PTPRR: variants seen among roughly 807,000 people sequenced by gnomAD.
PTPRR encodes receptor-type tyrosine-protein phosphatase R.
In PTPRR, 38 loss-of-function variants were observed where a neutral mutation model predicts 77.2. The ratio of observed to expected loss-of-function variants is 0.49; its 90% CI spans 0.38 to 0.65. The LOEUF (loss-of-function observed/expected upper bound fraction) is 0.65, where lower values mean the gene tolerates loss of function less well. PTPRR is among the 30% of genes least tolerant of loss of function. The pLI is 0.00. For missense variants in PTPRR, 744 were observed against 799.2 expected, an observed-to-expected ratio of 0.93 and a Z score of 0.83; for synonymous variants, 299 against 283.1, an observed-to-expected ratio of 1.06 and a Z score of -0.57.
intron 6 of PTPRR, among the ~76,000 whole-genome samples, chr12:70,730,607 A>G (rs1254908025): frequency 1.3e-5 from 2 of 152,064 alleles, no homozygotes; most frequent in Non-Finnish European, 2.9e-5. Context: ...CTGAGACAAG[A>G]GGATCACTTG....
At chr12:70,899,274 A>C (rs982605244) in intron 1 of PTPRR, among the ~76,000 whole-genome samples, 18 of 151,586 alleles carry the variant, frequency 1.2e-4, no homozygotes, top group East Asian at 1.9e-4. Context: ...CTAAAAAAAA[A>C]CACTATAGAC....
chr12:70,906,681 A>G (rs1333521016), intron 1 of PTPRR, among the ~76,000 whole-genome samples: 1 of 152,174 alleles, frequency 6.6e-6, no homozygotes, highest in Non-Finnish European at 1.5e-5. Context: ...GTTATGTTCC[A>G]ACAATATATG....
intron 2 of PTPRR, among the ~76,000 whole-genome samples, chr12:70,833,049 C>A (rs144229073): frequency 2.0e-5 from 3 of 152,158 alleles, no homozygotes; most frequent in African/African-American, 7.2e-5. Context: ...GGGCACCAAG[C>A]CATTCATGAG....
chr12:70,761,057 T>C (rs1312261918), intron 4 of PTPRR, among the ~76,000 whole-genome samples: 1 of 152,206 alleles, frequency 6.6e-6, no homozygotes, highest in East Asian at 1.9e-4. Flanking sequence ...GGCGAATATC[T>C]GGTGACCATT....
chr12:70,915,118 G>A (rs191664354), intron 1 of PTPRR, among the ~76,000 whole-genome samples: 1 of 152,228 alleles, frequency 6.6e-6, no homozygotes, highest in East Asian at 1.9e-4. Context: ...AAATAAGAGG[G>A]AAGCTAGGAA....
intron 2 of PTPRR, among the ~76,000 whole-genome samples, chr12:70,884,301 G>A (rs191692076): frequency 1.3e-5 from 2 of 152,094 alleles, no homozygotes; most frequent in East Asian, 3.9e-4. Context: ...TTAGCAGTGA[G>A]ATTTTTAACT....
intron 8 of PTPRR, among the ~76,000 whole-genome samples, chr12:70,693,842 C>T (rs1888138442): frequency 6.6e-6 from 1 of 151,980 alleles, no homozygotes; most frequent in African/African-American, 2.4e-5. Context: ...TAGATGGTAC[C>T]CCTATTTCCT....
intron 10 of PTPRR, among the ~76,000 whole-genome samples, chr12:70,676,771 T>C (rs963437779): frequency 3.9e-5 from 6 of 151,978 alleles, no homozygotes; most frequent in African/African-American, 1.4e-4. Flanking sequence ...CATTGGTCTA[T>C]GTATTTGTTT....
At chr12:70,914,253 A>C (rs1223113356) in intron 1 of PTPRR, among the ~76,000 whole-genome samples, 2 of 152,228 alleles carry the variant, frequency 1.3e-5, no homozygotes, top group Non-Finnish European at 2.9e-5. Context: ...GCAAGATGAG[A>C]AGACCTCATC....
chr12:70,803,165 T>C (rs979555248), intron 2 of PTPRR, among the ~76,000 whole-genome samples: 2 of 152,208 alleles, frequency 1.3e-5, no homozygotes, highest in Non-Finnish European at 2.9e-5. Flanking sequence ...CATCAGCTCA[T>C]GAGCCAAATT....
chr12:70,660,937 T>TA lies in PTPRR; in HGVS notation c.1766+2dup. ...TAGACAGAAAGGACCATACACGTCTTACCTGCAGTGGACAACCACAGGCCC... is the reference window on the plus strand; with the variant it reads ...TAGACAGAAAGGACCATACACGTCTTAACCTGCAGTGGACAACCACAGGCCC... On this transcript the variant is annotated splice_region_variant and intron_variant, in intron 12 of 13. Transcript: ENST00000283228. 6.2e-7 allele frequency: 1 copy of TA among 1,611,904 alleles called. No homozygotes were observed. The highest frequency in any genetic ancestry group is 8.5e-7 in the Non-Finnish European group (1 of 1,179,054).
intron 13 of PTPRR, 93 bp downstream of exon 13, chr12:70,656,611 T>C: frequency 2.3e-6 from 2 of 868,480 alleles, no homozygotes; most frequent in South Asian, 1.4e-5. Flanking sequence ...TTTAGGACCT[T>C]GGAGCCTGAG....
intron 2 of PTPRR, among the ~76,000 whole-genome samples, chr12:70,771,483 C>G (rs1890976080): frequency 6.6e-6 from 1 of 152,064 alleles, no homozygotes; most frequent in Admixed American, 6.6e-5. Flanking sequence ...CACTCTAAAT[C>G]TCAGTGTTAT....
At chr12:70,912,638 A>G (rs1197272106) in intron 1 of PTPRR, among the ~76,000 whole-genome samples, 1 of 152,168 alleles carries the variant, frequency 6.6e-6, no homozygotes, top group Non-Finnish European at 1.5e-5. Context: ...ATCTTAATAT[A>G]TTAAAATCAA....
intron 2 of PTPRR, among the ~76,000 whole-genome samples, chr12:70,846,740 A>C (rs1366548679): frequency 6.6e-6 from 1 of 152,176 alleles, no homozygotes; most frequent in Non-Finnish European, 1.5e-5. Context: ...CCAGACGCCA[A>C]ATCTGCTGGG....
At chr12:70,823,526 G>A (rs1365664409) in intron 2 of PTPRR, among the ~76,000 whole-genome samples, 4 of 152,116 alleles carry the variant, frequency 2.6e-5, no homozygotes, top group Admixed American at 2.6e-4. Flanking sequence ...TTTTGTTACT[G>A]TGTGTTTTTT....
intron 10 of PTPRR, among the ~76,000 whole-genome samples, chr12:70,673,310 C>A (rs1887316624): frequency 6.6e-6 from 1 of 152,310 alleles, no homozygotes; most frequent in African/African-American, 2.4e-5. Context: ...ACTAAAGGCA[C>A]ATTCCTGACT....
intron 1 of PTPRR, among the ~76,000 whole-genome samples, chr12:70,904,882 A>G (rs2137130586): frequency 6.6e-6 from 1 of 151,852 alleles, no homozygotes; most frequent in Middle Eastern, 3.4e-3. Flanking sequence ...AAGTGGAAAA[A>G]TCAAGTTTGG....
At chr12:70,884,143 T>C (rs1400910006) in intron 2 of PTPRR, among the ~76,000 whole-genome samples, 6 of 152,154 alleles carry the variant, frequency 3.9e-5, no homozygotes, top group Admixed American at 2.0e-4. Context: ...CTTTTGTATT[T>C]TTCCTAAAAA....
Sources: allele counts gnomAD v4.1 joint callset (sites outside exome capture counted in the v4.1 genomes callset), GRCh38; gene constraint gnomAD v4.1.1; transcripts MANE v1.5; gene names NCBI Gene and HGNC (gene_info 2026-07-23, HGNC 2026-07-21).